The following GNAT2 variants were observed in gnomAD, a reference collection of about 807,000 sequenced individuals.
GNAT2 encodes G protein subunit alpha transducin 2, also known as guanine nucleotide-binding protein G(t) subunit alpha-2.
In GNAT2, 32 loss-of-function variants were observed where a neutral mutation model predicts 40.9. That is an observed-to-expected ratio of 0.78 (90% CI 0.59 to 1.05). The LOEUF (loss-of-function observed/expected upper bound fraction) is 1.05. Among genes scored for constraint, GNAT2 ranks in the 50% least tolerant of loss-of-function variants. GNAT2 has a pLI of 0.00. For missense variants in GNAT2, 355 were observed against 431.5 expected, an observed-to-expected ratio of 0.82 and a Z score of 1.57; for synonymous variants, 141 against 157.2, an observed-to-expected ratio of 0.90 and a Z score of 0.77.
chr1:109,617,262 CA>C (rs1649974206), intron 1 of GNAT2: 2 of 152,222 alleles, frequency 1.3e-5, no homozygotes, highest in South Asian at 4.1e-4. Context: ...GCGGACATCA[CA>C]AGTGAGCTGA....
Position 109,604,046 on chromosome 1 carries a change from G to A in GNAT2, c.779C>T (p.Ala260Val), listed in dbSNP as rs762929495. The change falls in exon 8 of 9, where the codon GCG becomes GTG. Residue 260 changes from alanine to valine, a missense_variant. Physicochemically the swap from Ala to Val is moderately conservative, Grantham distance 64 (BLOSUM62 0). Transcript: ENST00000679935. ...FNSICNHKFFAATSIVLFLNK... is the reference protein window; with the variant it reads ...FNSICNHKFFVATSIVLFLNK... The stretch of plus-strand genomic sequence containing the variant: ...GAGAAAGAGGACAATGGAAGTAGCC[G>A]CAAAGAATTTGTGGTTACATATGCT... The A allele has an allele frequency of 2.5e-6, 4 of 1,607,420 alleles. No individual in the cohort carries two copies. Among genetic ancestry groups the A allele is most frequent in the Non-Finnish European group, 2.6e-6 (3 of 1,173,864 alleles).
intron 7 of GNAT2, chr1:109,604,537 T>A: frequency 5.1e-6 from 1 of 196,058 alleles, no homozygotes; most frequent in Non-Finnish European, 1.1e-5. Flanking sequence ...CATATGCATC[T>A]CCAGGATGAT....
chr1:109,607,451 C>CAAAAAAAAAAAAAAAAA (rs35202692), intron 5 of GNAT2: 3 of 126,770 alleles, frequency 2.4e-5, no homozygotes, highest in African/African-American at 3.3e-5. Context: ...ACTCCGTCTC[C>CAAAAAAAAAAAAAAAAA]AAAAAAAAAA....
chr1:109,617,266 T>C (rs190121765), intron 1 of GNAT2: 6 of 152,284 alleles, frequency 3.9e-5, no homozygotes, highest in Admixed American at 2.0e-4. Flanking sequence ...ACATCACAAG[T>C]GAGCTGAAGT....
intron 1 of GNAT2, 112 bp from the exon 2 acceptor site, chr1:109,613,035 G>C: frequency 1.4e-6 from 1 of 727,642 alleles, no homozygotes; most frequent in Non-Finnish European, 2.5e-6. Context: ...GTAGGGTCTT[G>C]TACTCTGCCT....
intron 4 of GNAT2, chr1:109,609,038 C>G: frequency 1.9e-6 from 1 of 536,530 alleles, no homozygotes; most frequent in Non-Finnish European, 3.4e-6. Flanking sequence ...GGTATTTCCT[C>G]TCTGGAGTTT....
At chr1:109,613,171 G>A in intron 1 of GNAT2, 1 of 390,676 alleles carries the variant, frequency 2.6e-6, no homozygotes, top group Non-Finnish European at 4.9e-6. Flanking sequence ...AAGGGGTAAA[G>A]ACTCAAATGT....
intron 1 of GNAT2, chr1:109,615,046 A>G (rs543336403): frequency 5.3e-5 from 8 of 152,352 alleles, no homozygotes; most frequent in East Asian, 1.9e-4. Context: ...TGAAGGCTAC[A>G]CTGTTCAAGG....
intron 5 of GNAT2, chr1:109,607,524 A>C (rs2101125697): frequency 6.6e-6 from 1 of 152,208 alleles, no homozygotes; most frequent in African/African-American, 2.4e-5. Flanking sequence ...TACAAGTAAC[A>C]CAAGTGCCTA....
intron 5 of GNAT2, 104 bp from the exon 6 acceptor site, chr1:109,606,540 A>G (rs904304609): frequency 1.2e-5 from 11 of 935,888 alleles, no homozygotes; most frequent in Non-Finnish European, 1.8e-5. Context: ...GGTGATAGAA[A>G]TCAGGACTAG....
chr1:109,612,357 G>A (rs777605157), intron 2 of GNAT2: 35 of 304,894 alleles, frequency 1.1e-4, no homozygotes, highest in Middle Eastern at 2.3e-3. Context: ...TGAGCCTGTT[G>A]GTGAGGGAAG....
rs773740367 is a variant in GNAT2 at position 109,603,334 on chromosome 1, T to C, written c.*20A>G. The C allele has an allele frequency of 2.0e-5, 28 of 1,409,640 alleles. No individual in the cohort carries two copies. The highest frequency in any genetic ancestry group is 2.5e-5 in the Non-Finnish European group (25 of 994,558). 87.3% of individuals were successfully genotyped at this position (1,409,640 alleles called of 1,614,324 possible). On this transcript the variant is annotated 3_prime_UTR_variant, in exon 9 of 9. Coordinates refer to ENST00000679935, the MANE Select transcript of GNAT2 (RefSeq NM_001377295.2). ...ATTCCAAGCCTGTTTATAGAACTTA[T>C]ACCTGAGGAATGGTGAGGATTAGAA...
At chr1:109,603,697 G>T in intron 8 of GNAT2, 153 bp from the exon 9 acceptor site, 2 of 691,930 alleles carry the variant, frequency 2.9e-6, no homozygotes, top group Admixed American at 2.2e-5. Flanking sequence ...TTGCACTCCA[G>T]TGTTTCTCAC....
chr1:109,603,859 A>G, intron 8 of GNAT2, 92 bp downstream of exon 8: 1 of 946,870 alleles, frequency 1.1e-6, no homozygotes, highest in Non-Finnish European at 1.7e-6. Flanking sequence ...GTTCTCCCTT[A>G]AGTTCCTTTG....
chr1:109,608,920 A>G (rs1028930630), intron 4 of GNAT2, 132 bp from the exon 5 acceptor site: 3 of 769,412 alleles, frequency 3.9e-6, no homozygotes, highest in African/African-American at 3.4e-5. Flanking sequence ...TCCAGTGAAG[A>G]TTCTATGTAA....
intron 1 of GNAT2, chr1:109,615,995 G>A (rs918488866): frequency 6.6e-6 from 1 of 152,236 alleles, no homozygotes; most frequent in Non-Finnish European, 1.5e-5. Flanking sequence ...GCAAACTTCT[G>A]TGCTGCTTCT....
intron 4 of GNAT2, chr1:109,609,635 A>G (rs1649730119): frequency 3.1e-6 from 1 of 317,946 alleles, no homozygotes; most frequent in Non-Finnish European, 6.1e-6. Context: ...CTGTCCCAGT[A>G]AAAATAAGGG....
intron 1 of GNAT2, 72 bp from the exon 2 acceptor site, chr1:109,612,995 T>C: frequency 1.3e-6 from 1 of 764,362 alleles, no homozygotes; most frequent in East Asian, 2.5e-5. Flanking sequence ...TAAAAGCTGG[T>C]CTGTACGATG....
intron 6 of GNAT2, 101 bp from the exon 7 acceptor site, chr1:109,606,200 A>C: frequency 6.4e-7 from 1 of 1,569,240 alleles, no homozygotes; most frequent in Non-Finnish European, 8.8e-7. Flanking sequence ...GGGGAGAAGC[A>C]GAACAGTAAT....
Sources: allele counts gnomAD v4.1 joint callset, GRCh38; gene constraint gnomAD v4.1.1; transcripts MANE v1.5; gene names NCBI Gene and HGNC (gene_info 2026-07-23, HGNC 2026-07-21).